Variants in CHD8 observed in about 807,000 individuals in gnomAD.
CHD8 encodes ATP-dependent chromatin remodeler CHD8.
Under a neutral mutation model 279.2 loss-of-function variants are expected in CHD8, and 31 were observed. The ratio of observed to expected loss-of-function variants is 0.11; its 90% CI spans 0.08 to 0.15. The LOEUF is 0.15. Among genes scored for constraint, CHD8 ranks in the 10% least tolerant of loss-of-function variants. The probability of loss-of-function intolerance (pLI) is 1.00; values close to 1 mark genes in which losing one functional copy is unlikely to be tolerated. For missense variants in CHD8, 2,146 were observed against 3,230.5 expected, an observed-to-expected ratio of 0.66 and a Z score of 8.14; for synonymous variants, 1,081 against 1,139.6, an observed-to-expected ratio of 0.95 and a Z score of 1.04.
At chr14:21,452,851 G>A (rs1890290440) in intron 1 of CHD8, among the ~76,000 whole-genome samples, 1 of 151,602 alleles carries the variant, frequency 6.6e-6, no homozygotes, top group African/African-American at 2.4e-5. Flanking sequence ...GGGCATGGTG[G>A]TGCGCGCCTG....
intron 1 of CHD8, chr14:21,437,216 G>T (rs1889822375): frequency 5.9e-6 from 7 of 1,183,164 alleles, no homozygotes; most frequent in Non-Finnish European, 7.5e-6. Context: ...TGGGGGGCCG[G>T]TTCGCCCCTC....
rs762495612 is a variant in CHD8, at chr14:21,402,677, G to T, written c.3715-174C>A. Among the ~76,000 whole-genome samples the T allele has an allele frequency of 6.6e-6, 1 of 152,176 alleles. No individual in the cohort carries two copies. Among genetic ancestry groups the T allele is most frequent in the Non-Finnish European group, 1.5e-5 (1 of 68,032 alleles). On this transcript the variant is annotated intron_variant, in intron 18 of 37. Transcript: ENST00000646647. This position sits in a 1 kb window ranked among gnomAD's most constrained non-coding sequence, Gnocchi z 4.5. ...TATCACCCCATCATGTAGACCAGGG[G>T]TCAGCAAACTAAAGTCTGTGTGGAC...
chr14:21,411,811 C>A (rs1190617630), intron 10 of CHD8, among the ~76,000 whole-genome samples: 2 of 152,096 alleles, frequency 1.3e-5, no homozygotes, highest in Admixed American at 6.5e-5. Flanking sequence ...GCCCGTAATC[C>A]CAGCACTTTG....
chr14:21,425,284 G>C (rs899450024), intron 5 of CHD8: 4 of 150,412 alleles, frequency 2.7e-5, no homozygotes, highest in Admixed American at 1.3e-4. Context: ...GATTTGCTTT[G>C]TATTTGAAAC....
At chr14:21,437,700 A>C (rs559259901) in intron 1 of CHD8, among the ~76,000 whole-genome samples, 2 of 152,204 alleles carry the variant, frequency 1.3e-5, no homozygotes, top group East Asian at 3.9e-4. Context: ...AAGGGGCCAA[A>C]TCTTCTTCCC....
intron 5 of CHD8, among the ~76,000 whole-genome samples, chr14:21,421,695 T>C (rs1352721434): frequency 6.6e-6 from 1 of 152,218 alleles, no homozygotes; most frequent in Non-Finnish European, 1.5e-5. Context: ...AATATTGTCA[T>C]TCTCACTTGT....
rs1887659460 is a variant in CHD8, at chr14:21,393,962, T to C, written c.5833A>G (p.Thr1945Ala). Reference sequence around the variant, plus strand: ...GGGTCCTGCATGATGTTGCAGTCTGTTTGGCTCACCCCATGGCGGGCTGCC... The same window carrying C: ...GGGTCCTGCATGATGTTGCAGTCTGCTTGGCTCACCCCATGGCGGGCTGCC... ...RGAARHGVSQ[T>A]DCNIMQDPDF... The change falls in exon 32 of 38, where the codon ACA (threonine) becomes GCA (alanine). Residue 1945 changes from threonine to alanine, a missense_variant. Thr to Ala is a moderately conservative substitution (Grantham distance 58). This residue lies in a region of CHD8 where 513 missense variants were observed against 637.6 expected (regional missense o/e 0.80). Coordinates refer to ENST00000646647, the MANE Select transcript of CHD8 (RefSeq NM_001170629.2). 6.2e-7 allele frequency: 1 copy of C among 1,613,864 alleles called. No individual in the cohort carries two copies. The highest frequency in any genetic ancestry group is 1.7e-5 in the Admixed American group (1 of 60,002).
chr14:21,391,358 G>T, intron 36 of CHD8, 105 bp downstream of exon 36: 2 of 1,044,916 alleles, frequency 1.9e-6, no homozygotes, highest in Non-Finnish European at 2.8e-6. Flanking sequence ...CCCTTATCTT[G>T]CAGATACAGA....
chr14:21,436,928 G>C (rs1161038962), intron 1 of CHD8: 1 of 1,288,606 alleles, frequency 7.8e-7, no homozygotes, highest in Admixed American at 2.3e-5. Flanking sequence ...GTTGGTGCCA[G>C]TAAGGTCCAT....
Position 21,400,379 on chromosome 14 carries a change from A to T in CHD8, c.4570+34T>A. On this transcript the variant is annotated intron_variant, in intron 23 of 37. Transcript: ENST00000646647. This position sits in a 1 kb window ranked among gnomAD's most constrained non-coding sequence, Gnocchi z 4.2. Reference sequence around the variant, plus strand: ...GACCTGAAAAGGATTAGATTAACCTATAGAAAAACATAAAGTAAAGAGTTG... The same window carrying T: ...GACCTGAAAAGGATTAGATTAACCTTTAGAAAAACATAAAGTAAAGAGTTG... 1 of 1,598,060 alleles carries T rather than the reference A, an allele frequency of 6.3e-7. No homozygotes were observed. Among genetic ancestry groups the T allele is most frequent in the East Asian group, 2.2e-5 (1 of 44,822 alleles).
chr14:21,444,634 A>G (rs1479044777), intron 1 of CHD8, among the ~76,000 whole-genome samples: 1 of 151,418 alleles, frequency 6.6e-6, no homozygotes, highest in Non-Finnish European at 1.5e-5. Context: ...CCTCAAACAT[A>G]TTTTTTTTCC....
At chr14:21,437,061 CGGGGGGT>C in intron 1 of CHD8, 10 of 117,550 alleles carry the variant, frequency 8.5e-5, no homozygotes, top group Non-Finnish European at 1.1e-4. Flanking sequence ...CGGGAAGATG[CGGGGGGT>C]GGGGGGTGTG....
At chr14:21,389,409 GA>G (rs1303018568) in intron 37 of CHD8, among the ~76,000 whole-genome samples, 3 of 152,074 alleles carry the variant, frequency 2.0e-5, no homozygotes, top group African/African-American at 7.2e-5. Flanking sequence ...TCGGGAGTTT[GA>G]GAACAGTCTG....
At position 21,402,765 on chromosome 14, in the gene CHD8, T is replaced by C. The variant is rs558543646; in HGVS notation, c.3714+252A>G. ...TGGGACCACCCACTCATTTACATAT[T>C]ATCTATGGCTGTTTTTGCGCTACAG... is the stretch of plus-strand genomic sequence containing the variant. On this transcript the variant is annotated intron_variant, in intron 18 of 37. Coordinates refer to ENST00000646647, the MANE Select transcript of CHD8 (RefSeq NM_001170629.2). This position sits in a 1 kb window ranked among gnomAD's most constrained non-coding sequence, Gnocchi z 4.5. 2.2e-4 allele frequency among the ~76,000 whole-genome samples: 34 copies of C among 152,310 alleles called. No individual in the cohort carries two copies. The highest frequency in any genetic ancestry group is 7.5e-4 in the African/African-American group (31 of 41,574).
At chr14:21,387,010 C>A (rs1399919032) in intron 37 of CHD8, among the ~76,000 whole-genome samples, 1 of 152,146 alleles carries the variant, frequency 6.6e-6, no homozygotes, top group Non-Finnish European at 1.5e-5. Flanking sequence ...CTGTCAGAAA[C>A]TCCTCACTAA....
At chr14:21,413,029 A>T (rs1217063654) in intron 9 of CHD8, 33 bp from the exon 10 acceptor site, 1 of 1,302,218 alleles carries the variant, frequency 7.7e-7, no homozygotes, top group East Asian at 2.3e-5. Context: ...CAATAAGACC[A>T]AAAGATCACT....
intron 1 of CHD8, chr14:21,455,222 C>T (rs1890355826): frequency 6.6e-6 from 1 of 152,206 alleles, no homozygotes; most frequent in African/African-American, 2.4e-5. Context: ...GATGGGTCCA[C>T]TATATACCTT....
rs900780584 is a variant in CHD8 at position 21,394,777 on chromosome 14, A to G, written c.5390+135T>C. 3.3e-6 allele frequency: 3 copies of G among 897,008 alleles called. No homozygotes were observed. The South Asian group carries it at 5.3e-5, about 16-fold the overall frequency. The allele number at this position is 897,008 out of a possible 1,614,324, so 55.6% of individuals were successfully genotyped here. A position where few individuals can be genotyped will look rare whatever the true frequency, so the allele number is the denominator to read the frequency against. On this transcript the variant is annotated intron_variant, in intron 30 of 37. Transcript: ENST00000646647. The stretch of plus-strand genomic sequence containing the variant: ...GCATGCAAGTGAGGTTTTAATTTCT[A>G]CAGGTTTAACTACCCAAGGCAGAAA...
At chr14:21,439,954 A>G (rs1457294796) in intron 1 of CHD8, among the ~76,000 whole-genome samples, 2 of 152,180 alleles carry the variant, frequency 1.3e-5, no homozygotes, top group African/African-American at 4.8e-5. Flanking sequence ...TATTACTTCA[A>G]TATGTATTGA....
Sources: gnomAD v4.1 joint callset for allele counts (sites outside exome capture counted in the v4.1 genomes callset) on GRCh38, gnomAD v4.1.1 for gene constraint, gnomAD v4.1.1 regional missense constraint, Gnocchi (gnomAD v3.1) non-coding constraint, MANE v1.5 for transcripts, NCBI Gene and HGNC (gene_info 2026-07-23, HGNC 2026-07-21) for gene names.